SGCD: variants seen among roughly 807,000 people sequenced by gnomAD.
SGCD encodes delta-sarcoglycan.
In SGCD, 18 loss-of-function variants were observed where a neutral mutation model predicts 36.6. The ratio of observed to expected loss-of-function variants is 0.49; its 90% CI spans 0.34 to 0.73. The LOEUF is 0.73. SGCD is among the 30% of genes least tolerant of loss of function. The pLI is 0.01. For missense variants in SGCD, 387 were observed against 346.7 expected, an observed-to-expected ratio of 1.12 and a Z score of -0.92; for synonymous variants, 133 against 130.6, an observed-to-expected ratio of 1.02 and a Z score of -0.12.
At chr5:155,736,117 T>C in the SGCD span, among the ~76,000 whole-genome samples, 1 of 152,206 alleles carries the variant, frequency 6.6e-6, no homozygotes, top group South Asian at 2.1e-4. Flanking sequence ...ATGTGCAGTG[T>C]ACTTTGACAT....
chr5:156,239,612 A>G (rs1765257171), intron 3 of SGCD, among the ~76,000 whole-genome samples: 1 of 152,206 alleles, frequency 6.6e-6, no homozygotes, highest in Non-Finnish European at 1.5e-5. Context: ...TATCATACTT[A>G]ATATGTTAGA....
At chr5:156,324,606 A>G (rs1274414694), upstream of SGCD, among the ~76,000 whole-genome samples, 1 of 152,214 alleles carries the variant, frequency 6.6e-6, no homozygotes, top group Non-Finnish European at 1.5e-5. Flanking sequence ...GAGCCACATA[A>G]CAAGTCTTTG....
At chr5:156,004,838 C>G (rs1758726762) in intron 1 of SGCD, among the ~76,000 whole-genome samples, 1 of 152,198 alleles carries the variant, frequency 6.6e-6, no homozygotes, top group South Asian at 2.1e-4. Flanking sequence ...AATCCCTGTT[C>G]CCCAGATTGA....
At chr5:156,633,487 C>A (rs141033000) in intron 6 of SGCD, among the ~76,000 whole-genome samples, 1 of 152,142 alleles carries the variant, frequency 6.6e-6, no homozygotes, top group Non-Finnish European at 1.5e-5. Context: ...AAGAACATGG[C>A]CTCTGCAGCT....
At chr5:156,237,255 G>C (rs961932210) in intron 3 of SGCD, among the ~76,000 whole-genome samples, 8 of 152,148 alleles carry the variant, frequency 5.3e-5, no homozygotes, top group African/African-American at 1.9e-4. Context: ...CAAAATCATA[G>C]GTTCTGTTCT....
intron 7 of SGCD, among the ~76,000 whole-genome samples, chr5:156,648,356 A>G (rs1380063633): frequency 6.6e-6 from 1 of 151,956 alleles, no homozygotes; most frequent in Non-Finnish European, 1.5e-5. Flanking sequence ...ATAGACACCA[A>G]CCATAGGCAC....
chr5:156,698,350 C>T (rs914277347), intron 7 of SGCD, among the ~76,000 whole-genome samples: 2 of 152,204 alleles, frequency 1.3e-5, no homozygotes, highest in African/African-American at 4.8e-5. Flanking sequence ...ATTTCTCTGG[C>T]AACTGCCTCT....
Position 156,574,745 on chromosome 5 carries a change from C to G in SGCD, c.295-14486C>G, listed in dbSNP as rs566821343. 1.4e-4 allele frequency among the ~76,000 whole-genome samples: 21 copies of G among 152,256 alleles called. 1 individual carries two copies. Among genetic ancestry groups the G allele is most frequent in the African/African-American group, 5.1e-4 (21 of 41,544 alleles). ...GATTGTATCTCTCCCATGACATAAGCCAGTCTCTATGTAGTTGTTTTTCTC... is the reference window on the plus strand; with the variant it reads ...GATTGTATCTCTCCCATGACATAAGGCAGTCTCTATGTAGTTGTTTTTCTC... On this transcript the variant is annotated intron_variant, in intron 4 of 8. Coordinates refer to ENST00000337851, the MANE Select transcript of SGCD (RefSeq NM_000337.6).
chr5:156,015,873 A>G (rs1028810577), intron 1 of SGCD, among the ~76,000 whole-genome samples: 1 of 149,716 alleles, frequency 6.7e-6, no homozygotes. Flanking sequence ...TAATATATGT[A>G]ATTATATGTC....
intron 1 of SGCD, among the ~76,000 whole-genome samples, chr5:156,103,846 T>C (rs897101787): frequency 1.3e-5 from 2 of 152,138 alleles, no homozygotes; most frequent in Non-Finnish European, 2.9e-5. Flanking sequence ...GACATTCAAG[T>C]ATAATTTAAA....
chr5:155,838,415 G>A, the SGCD span, among the ~76,000 whole-genome samples: 2 of 152,068 alleles, frequency 1.3e-5, no homozygotes, highest in Non-Finnish European at 2.9e-5. Flanking sequence ...TTGAAGAAAT[G>A]AGAACATTAT....
At chr5:156,282,117 A>G (rs1766469715) in intron 3 of SGCD, among the ~76,000 whole-genome samples, 1 of 152,128 alleles carries the variant, frequency 6.6e-6, no homozygotes. Flanking sequence ...CGACTCCCTA[A>G]CATAAACCAA....
At chr5:156,219,528 G>C (rs896408520) in intron 3 of SGCD, among the ~76,000 whole-genome samples, 16 of 152,194 alleles carry the variant, frequency 1.1e-4, no homozygotes, top group African/African-American at 3.6e-4. Flanking sequence ...ACTCTGCGTT[G>C]AGAAAAAATT....
intron 1 of SGCD, among the ~76,000 whole-genome samples, chr5:156,100,954 A>G (rs1335825820): frequency 6.6e-6 from 1 of 152,062 alleles, no homozygotes. Context: ...ATATGATGGT[A>G]TTTGGAGGTG....
chr5:156,536,754 C>T (rs1758132244), intron 4 of SGCD, among the ~76,000 whole-genome samples: 4 of 152,148 alleles, frequency 2.6e-5, no homozygotes, highest in Non-Finnish European at 4.4e-5. Context: ...AAAACGCAGT[C>T]TCAGTTCCAA....
intron 3 of SGCD, among the ~76,000 whole-genome samples, chr5:156,272,092 T>C (rs1035245069): frequency 6.6e-6 from 1 of 152,206 alleles, no homozygotes; most frequent in African/African-American, 2.4e-5. Flanking sequence ...TGGTGATTTC[T>C]GAGATGTTAG....
intron 7 of SGCD, among the ~76,000 whole-genome samples, chr5:156,684,513 C>T (rs111629578): frequency 0.011 from 1,731 of 152,290 alleles, 38 homozygotes; most frequent in African/African-American, 0.039. Flanking sequence ...GGAACACTTC[C>T]GTATCCCTTT....
chr5:155,875,035 A>C (rs1755736567), intron 1 of SGCD, among the ~76,000 whole-genome samples: 1 of 152,192 alleles, frequency 6.6e-6, no homozygotes, highest in African/African-American at 2.4e-5. Flanking sequence ...ATGAATGGAT[A>C]AACAAATTGT....
At chr5:156,735,475 C>G (rs1490316643) in intron 7 of SGCD, among the ~76,000 whole-genome samples, 1 of 152,132 alleles carries the variant, frequency 6.6e-6, no homozygotes, top group Non-Finnish European at 1.5e-5. Flanking sequence ...TGAGGTTCTT[C>G]CCTGTGAAGA....
Sources: allele counts gnomAD v4.1 joint callset (sites outside exome capture counted in the v4.1 genomes callset), GRCh38; gene constraint gnomAD v4.1.1; transcripts MANE v1.5; gene names NCBI Gene and HGNC (gene_info 2026-07-23, HGNC 2026-07-21).